Variants in RGS12 observed in about 807,000 individuals in gnomAD.
RGS12 encodes the protein regulator of G-protein signaling 12.
In RGS12, 66 loss-of-function variants were observed where a neutral mutation model predicts 120.1. That is an observed-to-expected ratio of 0.55 (90% CI 0.45 to 0.67). RGS12 has a LOEUF of 0.67. RGS12 is among the 30% of genes least tolerant of loss of function. The probability of loss-of-function intolerance (pLI) is 0.00; values close to 1 mark genes in which losing one functional copy is unlikely to be tolerated. For missense variants in RGS12, 1,859 were observed against 1,957.7 expected (o/e 0.95, Z 0.95); for synonymous variants, 827 against 804.7 (o/e 1.03, Z -0.47).
intron 17 of RGS12, chr4:3,431,765 C>T (rs553068248): frequency 5.1e-6 from 5 of 985,492 alleles, no homozygotes; most frequent in East Asian, 1.1e-4. Context: ...CTCAGGGGTG[C>T]GTGGACACCT....
intron 1 of RGS12, among the ~76,000 whole-genome samples, chr4:3,308,619 T>C (rs1452826214): frequency 2.6e-5 from 4 of 152,252 alleles, no homozygotes; most frequent in African/African-American, 9.6e-5. Context: ...CCCACGCACC[T>C]GCAGGCTCTG....
At chr4:3,331,612 G>GT (rs1711852858) in intron 2 of RGS12, among the ~76,000 whole-genome samples, 1 of 149,614 alleles carries the variant, frequency 6.7e-6, no homozygotes. Flanking sequence ...AAAATAGATT[G>GT]TAAAAAAAAA....
intron 3 of RGS12, among the ~76,000 whole-genome samples, chr4:3,353,020 GTCTC>G (rs1407476496): frequency 1.6e-4 from 25 of 152,334 alleles, no homozygotes; most frequent in Non-Finnish European, 7.3e-5. Flanking sequence ...AGGCCACTGA[GTCTC>G]TCTAGGTTCT....
chr4:3,298,190 G>A (rs907328429), intron 1 of RGS12, among the ~76,000 whole-genome samples: 2 of 152,158 alleles, frequency 1.3e-5, no homozygotes, highest in African/African-American at 2.4e-5. Context: ...TGGGCACTCC[G>A]TGGGCCCTTT....
intron 1 of RGS12, among the ~76,000 whole-genome samples, chr4:3,307,328 C>G (rs1449008559): frequency 6.6e-6 from 1 of 152,198 alleles, no homozygotes; most frequent in Admixed American, 6.5e-5. Flanking sequence ...AGCGTGTGCA[C>G]ACGGCATGAG....
rs372467773 is a variant in RGS12 at position 3,417,104 on chromosome 4, G to C, written c.2607+12G>C. ...CCACGCCAAAAAAGGTGACCTCCCCGAGGCTGGCCTCACGCCCCTGTGGGT... is the reference window on the plus strand; with the variant it reads ...CCACGCCAAAAAAGGTGACCTCCCCCAGGCTGGCCTCACGCCCCTGTGGGT... On this transcript the variant is annotated intron_variant, in intron 8 of 17. Transcript: ENST00000336727. 4.4e-6 allele frequency: 7 copies of C among 1,586,056 alleles called. No homozygotes were observed. Among genetic ancestry groups the C allele is most frequent in the Non-Finnish European group, 6.0e-6 (7 of 1,160,508 alleles).
intron 3 of RGS12, among the ~76,000 whole-genome samples, chr4:3,368,650 TGGGGTGCATGTGTGTGTAGGG>T (rs1716637294): frequency 1.2e-5 from 1 of 86,126 alleles, no homozygotes; most frequent in South Asian, 4.9e-4. Context: ...GGTACGTGTG[TGGGGTGCATGTGTGTGTAGGG>T]GGGGTGCCTG....
chr4:3,297,841 T>C (rs1251455287), intron 1 of RGS12, among the ~76,000 whole-genome samples: 1 of 152,154 alleles, frequency 6.6e-6, no homozygotes, highest in Non-Finnish European at 1.5e-5. Context: ...CTCTTCTCTC[T>C]CTGCTTGGCT....
chr4:3,412,523 G>A (rs149557898), intron 4 of RGS12, among the ~76,000 whole-genome samples: 143 of 152,364 alleles, frequency 9.4e-4, no homozygotes, highest in Middle Eastern at 6.8e-3. Flanking sequence ...CCATCAGCTC[G>A]TCCGCTGGGA....
chr4:3,307,534 C>A (rs1724040889), intron 1 of RGS12, among the ~76,000 whole-genome samples: 1 of 152,250 alleles, frequency 6.6e-6, no homozygotes, highest in African/African-American at 2.4e-5. Context: ...AAAACATGCA[C>A]AGAAATAATT....
chr4:3,385,844 G>A (rs12644442), intron 3 of RGS12: 70,848 of 155,362 alleles, frequency 0.46, 16,398 homozygotes, highest in South Asian at 0.6. Context: ...CCGGGGCTTG[G>A]CTCTGGGCTT....
At chr4:3,302,575 A>G (rs990655624) in intron 1 of RGS12, among the ~76,000 whole-genome samples, 15 of 152,106 alleles carry the variant, frequency 9.9e-5, no homozygotes, top group Admixed American at 2.6e-4. Flanking sequence ...CTGCTTACAG[A>G]AGTGGTTCCT....
rs1717392178 is a variant in RGS12, at chr4:3,374,312, C to A, written c.1999-12104C>A. Among the ~76,000 whole-genome samples the A allele has an allele frequency of 2.0e-5, 3 of 152,230 alleles. No individual in the cohort carries two copies. The highest frequency in any genetic ancestry group is 4.4e-5 in the Non-Finnish European group (3 of 68,038). ...CGGGTTCCCCTCCTCTCCTCCGACT[C>A]CACTGGCTTTTCACCACTGTCAGGT... is the stretch of plus-strand genomic sequence containing the variant. On this transcript the variant is annotated intron_variant, in intron 3 of 17. Transcript: ENST00000336727. This position sits in a 1 kb window ranked among gnomAD's most constrained non-coding sequence, Gnocchi z 6.3.
chr4:3,429,640 T>C (rs929580774), intron 16 of RGS12, among the ~76,000 whole-genome samples: 2 of 152,216 alleles, frequency 1.3e-5, no homozygotes, highest in Admixed American at 6.5e-5. Context: ...TGGGGCCTGC[T>C]ACACTAGAAA....
intron 14 of RGS12, among the ~76,000 whole-genome samples, chr4:3,426,262 G>T: frequency 1.0e-5 from 1 of 99,724 alleles, no homozygotes; most frequent in African/African-American, 3.9e-5. Flanking sequence ...GGGGCTGTGG[G>T]GTTGGCATAG....
chr4:3,311,108 T>C (rs1724372748), intron 1 of RGS12, among the ~76,000 whole-genome samples: 1 of 152,080 alleles, frequency 6.6e-6, no homozygotes, highest in Non-Finnish European at 1.5e-5. Context: ...GAGGCCGTGA[T>C]TGCTGATGTT....
intron 17 of RGS12, among the ~76,000 whole-genome samples, chr4:3,436,095 C>T (rs908592621): frequency 2.6e-5 from 4 of 152,116 alleles, no homozygotes; most frequent in Non-Finnish European, 5.9e-5. Flanking sequence ...AGTCATGATC[C>T]TGGCTGGGGA....
At chr4:3,420,257 G>C (rs1722855713) in intron 9 of RGS12, 1 of 273,620 alleles carries the variant, frequency 3.7e-6, no homozygotes. Context: ...GGGGATGAAA[G>C]CTCCAGATGG....
rs531162462 is a variant in RGS12 at position 3,366,059 on chromosome 4, C to A, written c.1999-20357C>A. On this transcript the variant is annotated intron_variant, in intron 3 of 17. Transcript: ENST00000336727. The surrounding 1 kb of genome is among the most constrained non-coding windows in gnomAD (Gnocchi z 4.0). ...TGCTCGAGGTGGAGACGGCTGTGAG[C>A]AGCTGCAGGCCAGGCAGTGGTGGGA... Among the ~76,000 whole-genome samples, 3 of 152,230 alleles carry A rather than the reference C, an allele frequency of 2.0e-5. No individual in the cohort carries two copies. The East Asian group carries it at 5.8e-4, about 29-fold the overall frequency.
Sources: gnomAD v4.1 joint callset for allele counts (sites outside exome capture counted in the v4.1 genomes callset) on GRCh38, gnomAD v4.1.1 for gene constraint, Gnocchi (gnomAD v3.1) non-coding constraint, MANE v1.5 for transcripts, NCBI Gene and HGNC (gene_info 2026-07-23, HGNC 2026-07-21) for gene names.